The following ATP6V1H variants were observed in gnomAD, a reference collection of about 807,000 sequenced individuals.
ATP6V1H encodes V-type proton ATPase subunit H.
Under a neutral mutation model 71.7 loss-of-function variants are expected in ATP6V1H, and 39 were observed. The observed-to-expected ratio is 0.54, with a 90% CI of 0.42 to 0.71. The LOEUF (loss-of-function observed/expected upper bound fraction) is 0.71. ATP6V1H is among the 30% of genes least tolerant of loss of function. ATP6V1H has a pLI of 0.00. For missense variants in ATP6V1H, 509 were observed against 594.9 expected, an observed-to-expected ratio of 0.86 and a Z score of 1.50; for synonymous variants, 192 against 199.3, an observed-to-expected ratio of 0.96 and a Z score of 0.31.
chr8:53,770,525 T>C (rs1285952719), intron 10 of ATP6V1H, among the ~76,000 whole-genome samples: 3 of 152,276 alleles, frequency 2.0e-5, no homozygotes, highest in South Asian at 2.1e-4. Flanking sequence ...ACTAGATAAG[T>C]TGATCAGAGG....
chr8:53,830,908 G>A (rs1810986157), intron 3 of ATP6V1H, among the ~76,000 whole-genome samples: 1 of 152,136 alleles, frequency 6.6e-6, no homozygotes, highest in East Asian at 1.9e-4. Flanking sequence ...TGCGGTTGGG[G>A]TGGGGAAGCT....
intron 13 of ATP6V1H, among the ~76,000 whole-genome samples, chr8:53,716,549 C>T (rs986337840): frequency 6.6e-6 from 1 of 152,178 alleles, no homozygotes; most frequent in African/African-American, 2.4e-5. Flanking sequence ...GTCCCCACAC[C>T]ATCAGGAGCT....
At chr8:53,761,913 A>C (rs1808285420) in intron 11 of ATP6V1H, among the ~76,000 whole-genome samples, 1 of 152,190 alleles carries the variant, frequency 6.6e-6, no homozygotes, top group South Asian at 2.1e-4. Flanking sequence ...ATTGAAGCGG[A>C]AAGTCAGAAG....
At chr8:53,818,332 G>C (rs760155079) in intron 4 of ATP6V1H, among the ~76,000 whole-genome samples, 9 of 152,016 alleles carry the variant, frequency 5.9e-5, no homozygotes, top group Non-Finnish European at 1.2e-4. Flanking sequence ...AAGTTCTTTA[G>C]TGGTGATTTG....
At chr8:53,802,308 C>G (rs1178734459) in intron 7 of ATP6V1H, among the ~76,000 whole-genome samples, 1 of 152,184 alleles carries the variant, frequency 6.6e-6, no homozygotes, top group African/African-American at 2.4e-5. Flanking sequence ...GTAAATACTT[C>G]AAGATAGGCC....
intron 11 of ATP6V1H, among the ~76,000 whole-genome samples, chr8:53,767,100 T>G (rs1455310056): frequency 6.6e-6 from 1 of 152,200 alleles, no homozygotes; most frequent in Non-Finnish European, 1.5e-5. Context: ...AAAATTTCTC[T>G]CTTTTGTACT....
At chr8:53,771,897 G>C in intron 10 of ATP6V1H, 92 bp downstream of exon 10, 3 of 1,139,378 alleles carry the variant, frequency 2.6e-6, no homozygotes, top group Non-Finnish European at 3.8e-6. Flanking sequence ...GATTTGTATA[G>C]GTGACAACAA....
chr8:53,727,413 C>T (rs1806850864), intron 13 of ATP6V1H, among the ~76,000 whole-genome samples: 1 of 152,220 alleles, frequency 6.6e-6, no homozygotes, highest in Non-Finnish European at 1.5e-5. Flanking sequence ...AAGGTCTTAA[C>T]TGCTACCACC....
chr8:53,814,877 A>T, intron 5 of ATP6V1H, 111 bp from the exon 6 acceptor site: 1 of 608,368 alleles, frequency 1.6e-6, no homozygotes. Context: ...TTAACACTCA[A>T]CCCCTCTAAA....
In ATP6V1H at chr8:53,769,753, T is replaced by G. The variant is rs1409282602; in HGVS notation, c.1050-10A>C. ...GTATTCATCAAATGAACTATAAAAA[T>G]GTTCAAAAGAATTCAAGGTTTATAA... On this transcript the variant is annotated splice_polypyrimidine_tract_variant and intron_variant, in intron 10 of 13. Coordinates refer to ENST00000359530, the MANE Select transcript of ATP6V1H (RefSeq NM_015941.4). 1.1e-5 allele frequency: 18 copies of G among 1,591,376 alleles called. No individual in the cohort carries two copies. Among genetic ancestry groups the G allele is most frequent in the Non-Finnish European group, 1.5e-5 (18 of 1,170,572 alleles).
chr8:53,770,100 G>T (rs977031652), intron 10 of ATP6V1H, among the ~76,000 whole-genome samples: 1 of 151,936 alleles, frequency 6.6e-6, no homozygotes, highest in African/African-American at 2.4e-5. Context: ...GTATTTCCCA[G>T]ACCAACAGGC....
chr8:53,724,079 C>T (rs560928584), intron 13 of ATP6V1H, among the ~76,000 whole-genome samples: 6 of 152,252 alleles, frequency 3.9e-5, no homozygotes, highest in African/African-American at 1.2e-4. Flanking sequence ...TTAAACATTT[C>T]AAACATTAAA....
At chr8:53,810,602 T>A (rs1810241813) in intron 7 of ATP6V1H, among the ~76,000 whole-genome samples, 1 of 152,058 alleles carries the variant, frequency 6.6e-6, no homozygotes, top group Non-Finnish European at 1.5e-5. Context: ...TAGCTGGGTG[T>A]GGTGGCGGGC....
chr8:53,726,776 C>G (rs903249718), intron 13 of ATP6V1H, among the ~76,000 whole-genome samples: 1 of 152,168 alleles, frequency 6.6e-6, no homozygotes, highest in Non-Finnish European at 1.5e-5. Context: ...TGAAATAGGA[C>G]TGTCTCCCTC....
intron 7 of ATP6V1H, among the ~76,000 whole-genome samples, chr8:53,809,349 G>A (rs980544985): frequency 2.0e-5 from 3 of 152,142 alleles, no homozygotes; most frequent in Non-Finnish European, 2.9e-5. Flanking sequence ...ATCAAAGGAA[G>A]GGCTGACACC....
intron 3 of ATP6V1H, chr8:53,832,619 C>A (rs1811043958): frequency 6.4e-6 from 1 of 155,964 alleles, no homozygotes; most frequent in Non-Finnish European, 1.4e-5. Context: ...ATAATGTAAT[C>A]CCATGTCATC....
intron 9 of ATP6V1H, among the ~76,000 whole-genome samples, chr8:53,779,794 G>C (rs1305263344): frequency 6.6e-6 from 1 of 151,940 alleles, no homozygotes; most frequent in Non-Finnish European, 1.5e-5. Flanking sequence ...ACATATCAAA[G>C]CTCTTTTGTT....
chr8:53,803,908 T>G (rs1042941281), intron 7 of ATP6V1H, among the ~76,000 whole-genome samples: 2 of 152,210 alleles, frequency 1.3e-5, no homozygotes, highest in African/African-American at 4.8e-5. Flanking sequence ...GAGAGCACCC[T>G]CTTCTCTTCC....
At chr8:53,792,165 A>C (rs1306627123) in intron 9 of ATP6V1H, among the ~76,000 whole-genome samples, 1 of 152,212 alleles carries the variant, frequency 6.6e-6, no homozygotes, top group African/African-American at 2.4e-5. Context: ...AGTGTGCAGG[A>C]AACATGAAGA....
Sources: allele counts gnomAD v4.1 joint callset (sites outside exome capture counted in the v4.1 genomes callset), GRCh38; gene constraint gnomAD v4.1.1; transcripts MANE v1.5; gene names NCBI Gene and HGNC (gene_info 2026-07-23, HGNC 2026-07-21).